The following PRCP variants were observed in gnomAD, a reference collection of about 807,000 sequenced individuals.
PRCP encodes prolylcarboxypeptidase.
In PRCP, 46 loss-of-function variants were observed where a neutral mutation model predicts 54.2. That is an observed-to-expected ratio of 0.85 (90% CI 0.67 to 1.09). The LOEUF is 1.09. Among genes scored for constraint, PRCP ranks in the 50% least tolerant of loss-of-function variants. The pLI is 0.00. For missense variants in PRCP, 613 were observed against 596.8 expected (o/e 1.03, Z -0.28); for synonymous variants, 240 against 212.2 (o/e 1.13, Z -1.14).
At chr11:82,884,485 A>G (rs2121251122) in intron 1 of PRCP, among the ~76,000 whole-genome samples, 1 of 152,228 alleles carries the variant, frequency 6.6e-6, no homozygotes, top group South Asian at 2.1e-4. Context: ...TGAGCCCGGG[A>G]TGTCGAGGCT....
At chr11:82,832,202 T>A (rs1565216488) in intron 8 of PRCP, among the ~76,000 whole-genome samples, 1 of 152,176 alleles carries the variant, frequency 6.6e-6, no homozygotes, top group South Asian at 2.1e-4. Flanking sequence ...CTTTTTAGAA[T>A]GATTTTTAAT....
At chr11:82,883,798 G>A (rs985341899) in intron 1 of PRCP, among the ~76,000 whole-genome samples, 1 of 152,184 alleles carries the variant, frequency 6.6e-6, no homozygotes, top group African/African-American at 2.4e-5. Flanking sequence ...CAGAAGGGTG[G>A]TTGGTAAGTG....
intron 1 of PRCP, among the ~76,000 whole-genome samples, chr11:82,879,427 G>A (rs982699065): frequency 5.3e-5 from 8 of 152,122 alleles, no homozygotes; most frequent in Non-Finnish European, 7.4e-5. Flanking sequence ...TTAGCCATTC[G>A]TCTAATCTTT....
intron 1 of PRCP, among the ~76,000 whole-genome samples, chr11:82,897,580 G>A (rs1284420637): frequency 6.6e-6 from 1 of 152,228 alleles, no homozygotes; most frequent in Non-Finnish European, 1.5e-5. Context: ...TAAATAGTGG[G>A]GAAGAGGGAT....
chr11:82,886,114 C>G (rs1308704656), intron 1 of PRCP, among the ~76,000 whole-genome samples: 4 of 152,162 alleles, frequency 2.6e-5, no homozygotes, highest in Admixed American at 2.6e-4. Context: ...TTCTGTAACA[C>G]AAAGTCAAAG....
intron 2 of PRCP, among the ~76,000 whole-genome samples, chr11:82,856,445 C>T (rs1859083370): frequency 6.6e-6 from 1 of 152,196 alleles, no homozygotes; most frequent in Non-Finnish European, 1.5e-5. Context: ...CATGTTCTCA[C>T]TTATAAGCAG....
chr11:82,874,461 C>G (rs1859553489), intron 1 of PRCP, among the ~76,000 whole-genome samples: 1 of 152,160 alleles, frequency 6.6e-6, no homozygotes, highest in Admixed American at 6.5e-5. Context: ...GAGGCCAAGG[C>G]TGGCAGATCA....
Position 82,900,277 on chromosome 11 carries a change from C to T in PRCP, c.126G>A (p.Pro42=), listed in dbSNP as rs376782911. 61 of 1,614,098 alleles carry T rather than the reference C, an allele frequency of 3.8e-5. No individual in the cohort carries two copies. Among genetic ancestry groups the T allele is most frequent in the Non-Finnish European group, 4.9e-5 (58 of 1,180,036 alleles). Residue 42 remains proline, a synonymous_variant, in exon 1 of 9, where the codon CCG becomes CCA. Coordinates refer to ENST00000313010, the MANE Select transcript of PRCP (RefSeq NM_005040.4). The stretch of plus-strand genomic sequence containing the variant: ...GAACCGAATAGTTCTTGGCTACAGC[C>T]GGGAGGGATGTGGGGTTGGTTGGCA... ...LHLPTNPTSL[P]AVAKNYSVLY...
chr11:82,873,473 A>G (rs1859527279), intron 1 of PRCP, among the ~76,000 whole-genome samples: 1 of 152,186 alleles, frequency 6.6e-6, no homozygotes, highest in African/African-American at 2.4e-5. Flanking sequence ...GAAGTCAGTA[A>G]AGCATATTCT....
In PRCP at chr11:82,850,451, C is replaced by G; in HGVS notation, c.466G>C (p.Glu156Gln). The change falls in exon 4 of 9, where the codon GAG (glutamate) becomes CAG (glutamine). Residue 156 changes from glutamate (E) to glutamine (Q), a missense_variant. By Grantham distance (29) the Glu-to-Gln change is conservative. Transcript: ENST00000313010. ...GTTCTTTTCAAGTGTTTGATTAACT[C>G]TGCAAAATCAGCCAGAGCTTGTTCT... Reference protein sequence around the residue: ...TSEQALADFAELIKHLKRTIP... With the variant: ...TSEQALADFAQLIKHLKRTIP... 6.2e-7 allele frequency: 1 copy of G among 1,602,542 alleles called. No homozygotes were observed. Among genetic ancestry groups the G allele is most frequent in the Non-Finnish European group, 8.5e-7 (1 of 1,173,636 alleles).
rs534157769 is a variant in PRCP at position 82,884,356 on chromosome 11, G to A, written c.168+15879C>T. ...GAGGATCACTTGAGCCCAGGAATTC[G>A]AGACCAACCTGGGCAACCTGTAGAA... On this transcript the variant is annotated intron_variant, in intron 1 of 8. Coordinates refer to ENST00000313010, the MANE Select transcript of PRCP (RefSeq NM_005040.4). Among the ~76,000 whole-genome samples, 6 of 152,198 alleles carry A rather than the reference G, an allele frequency of 3.9e-5. No individual in the cohort carries two copies. In the East Asian group the frequency reaches 5.8e-4, roughly 15 times the overall value.
intron 6 of PRCP, among the ~76,000 whole-genome samples, chr11:82,841,267 GGAA>G (rs1858663196): frequency 7.0e-6 from 1 of 142,890 alleles, no homozygotes; most frequent in African/African-American, 2.6e-5. Context: ...TGCCAGCGGG[GGAA>G]AAAAAAAAAA....
chr11:82,845,384 A>G (rs543355128), intron 6 of PRCP, among the ~76,000 whole-genome samples: 1 of 152,218 alleles, frequency 6.6e-6, no homozygotes, highest in African/African-American at 2.4e-5. Flanking sequence ...AGGAAAGAAG[A>G]TATGTTGGGG....
At chr11:82,844,811 C>T (rs2121121315) in intron 6 of PRCP, among the ~76,000 whole-genome samples, 1 of 150,964 alleles carries the variant, frequency 6.6e-6, no homozygotes, top group East Asian at 1.9e-4. Context: ...CTGGAGCTTC[C>T]AACCACTGTA....
At chr11:82,871,265 C>T (rs1038490695) in intron 1 of PRCP, among the ~76,000 whole-genome samples, 4 of 143,158 alleles carry the variant, frequency 2.8e-5, no homozygotes, top group Non-Finnish European at 6.0e-5. Context: ...GTGCAAACTT[C>T]GTCTCCTGGG....
intron 8 of PRCP, chr11:82,827,347 T>C (rs12293907): frequency 8.5e-5 from 13 of 152,204 alleles, no homozygotes; most frequent in African/African-American, 3.1e-4. Flanking sequence ...CCCACGGTCA[T>C]GAAGATTTGT....
chr11:82,853,167 G>C lies in PRCP; in HGVS notation c.411+10C>G, dbSNP rs2121153614. The C allele has an allele frequency of 6.4e-7, 1 of 1,563,576 alleles. No individual in the cohort carries two copies. The highest frequency in any genetic ancestry group is 8.7e-7 in the Non-Finnish European group (1 of 1,147,092). On this transcript the variant is annotated intron_variant, in intron 3 of 8. Coordinates refer to ENST00000313010, the MANE Select transcript of PRCP (RefSeq NM_005040.4). ...AAAGCTTGTAACTTTTAAGTAAAAA[G>C]TATCTTTACCTTGAATGAGTTGTCA...
At chr11:82,830,852 T>C (rs1350133763) in intron 8 of PRCP, 2 of 151,764 alleles carry the variant, frequency 1.3e-5, no homozygotes, top group Non-Finnish European at 2.9e-5. Flanking sequence ...AAACTCTCCA[T>C]TATTTGCAAA....
intron 6 of PRCP, among the ~76,000 whole-genome samples, chr11:82,844,680 C>G (rs890118739): frequency 1.4e-5 from 2 of 144,696 alleles, no homozygotes; most frequent in Non-Finnish European, 3.0e-5. Flanking sequence ...TTGCAGTGAG[C>G]CGAGATCATG....
Sources: allele counts gnomAD v4.1 joint callset (sites outside exome capture counted in the v4.1 genomes callset), GRCh38; gene constraint gnomAD v4.1.1; transcripts MANE v1.5; gene names NCBI Gene and HGNC (gene_info 2026-07-23, HGNC 2026-07-21).